The following PCSK7 variants were observed in gnomAD, a reference collection of about 807,000 sequenced individuals.
PCSK7 encodes lymphoma proprotein convertase.
In PCSK7, 38 loss-of-function variants were observed where a neutral mutation model predicts 73.3. The ratio of observed to expected loss-of-function variants is 0.52; its 90% confidence interval spans 0.40 to 0.68. The LOEUF (loss-of-function observed/expected upper bound fraction) is 0.68, where lower values mean the gene tolerates loss of function less well. Ranked by LOEUF, PCSK7 falls within the 30% of genes least tolerant of loss-of-function variation. PCSK7 has a pLI of 0.00. For missense variants in PCSK7, 692 were observed against 991.5 expected (o/e 0.70, Z 4.06); for synonymous variants, 296 against 383.8 (o/e 0.77, Z 2.68).
At position 117,225,766 on chromosome 11, in the gene PCSK7, C is replaced by T. The variant is rs1277208392; in HGVS notation, c.860+165G>A. The T allele has an allele frequency of 1.6e-5, 10 of 632,848 alleles. No individual in the cohort carries two copies. The Admixed American group carries it at 2.4e-4, about 15-fold the overall frequency. The allele number at this position is 632,848 out of a possible 1,614,324, so 39.2% of individuals were successfully genotyped here. On this transcript the variant is annotated intron_variant, in intron 6 of 16. Transcript: ENST00000320934. ...GGTGACGGGGGCTTAAGGTTGAGTG[C>T]CCAGTGGCTGGGAATCTAGAGAAAT... is the stretch of plus-strand genomic sequence containing the variant.
chr11:117,204,641 T>TG lies in PCSK7; in HGVS notation c.*1355dup. The TG allele has an allele frequency of 1.9e-6, 1 of 515,922 alleles. No individual in the cohort carries two copies. Among genetic ancestry groups the TG allele is most frequent in the African/African-American group, 1.9e-5 (1 of 52,234 alleles). The allele number at this position is 515,922 out of a possible 1,614,324, so 32.0% of individuals were successfully genotyped here. ...TGGGCTAAGCAGGGGAGAAGCGGGC[T>TG]GGGGGTAGCCTGGATGTGGGCCAAG... is the stretch of plus-strand genomic sequence containing the variant. On this transcript the variant is annotated 3_prime_UTR_variant, in exon 17 of 17. Transcript: ENST00000320934.
intron 4 of PCSK7, among the ~76,000 whole-genome samples, chr11:117,227,699 C>T (rs2032484347): frequency 6.6e-6 from 1 of 152,186 alleles, no homozygotes; most frequent in Admixed American, 6.5e-5. Flanking sequence ...CCTTGGCTTC[C>T]CAAAGTGCTG....
chr11:117,228,525 A>G (rs1339967445), intron 3 of PCSK7, among the ~76,000 whole-genome samples, 175 bp from the exon 4 acceptor site: 1 of 151,984 alleles, frequency 6.6e-6, no homozygotes, highest in African/African-American at 2.4e-5. Context: ...GCTCTGCCAC[A>G]GCCTTGGATT....
Position 117,206,247 on chromosome 11 carries a change from G to T in PCSK7, c.2108C>A (p.Pro703His), listed in dbSNP as rs2031374962. 6.2e-7 allele frequency: 1 copy of T among 1,614,008 alleles called. No homozygotes were observed. Among genetic ancestry groups the T allele is most frequent in the African/African-American group, 1.3e-5 (1 of 74,886 alleles). Residue 703 changes from proline to histidine, a missense_variant, in exon 17 of 17, where the codon CCC (proline) becomes CAC (histidine). Pro to His is a moderately conservative substitution (Grantham distance 77). This residue lies in a region of PCSK7 where 78 missense variants were observed against 102.6 expected (regional missense o/e 0.76). Coordinates refer to ENST00000320934, the MANE Select transcript of PCSK7 (RefSeq NM_004716.4). ...CCGGCTCCGATGGGGCCAGTGGCAGGGTCCACTCCTACAAACTTGATTGGA... is the reference window on the plus strand; with the variant it reads ...CCGGCTCCGATGGGGCCAGTGGCAGTGTCCACTCCTACAAACTTGATTGGA... ...VASNQVCRSG[P>H]CHWPHRSRKA...
chr11:117,225,197 G>A (rs2032374496), intron 6 of PCSK7: 1 of 158,484 alleles, frequency 6.3e-6, no homozygotes, highest in Non-Finnish European at 1.4e-5. Flanking sequence ...GAGTAGCTGG[G>A]ATTACAGGTG....
At chr11:117,231,381 C>T (rs761871094) in intron 1 of PCSK7, among the ~76,000 whole-genome samples, 5 of 152,148 alleles carry the variant, frequency 3.3e-5, no homozygotes, top group Non-Finnish European at 5.9e-5. Flanking sequence ...CCTCCCTGCC[C>T]CCGGGAGCCT....
At position 117,229,407 on chromosome 11, in the gene PCSK7, G is replaced by A. The variant is rs757100305; in HGVS notation, c.438C>T (p.Asn146=). ...GCCATTGCTGCGGGTACTTGGGGTC[G>A]TTGAAGTGGACGCTGCGCTTGGCCC... ...LRRAKRSVHF[N]DPKYPQQWHL... The change falls in exon 3 of 17, where the codon AAC becomes AAT. Residue 146 remains asparagine, a synonymous_variant. Transcript: ENST00000320934. 4.8e-5 allele frequency: 77 copies of A among 1,608,096 alleles called. No homozygotes were observed. The highest frequency in any genetic ancestry group is 1.6e-4 in the Middle Eastern group (1 of 6,082).
At chr11:117,219,230 G>A (rs1171723049) in intron 10 of PCSK7, 66 bp from the exon 11 acceptor site, 3 of 1,186,236 alleles carry the variant, frequency 2.5e-6, no homozygotes, top group Non-Finnish European at 3.6e-6. Flanking sequence ...TCTGACTCTG[G>A]TTTCCCTGCT....
At chr11:117,229,930 A>G in intron 2 of PCSK7, 74 bp from the exon 3 acceptor site, 2 of 860,382 alleles carry the variant, frequency 2.3e-6, no homozygotes, top group Non-Finnish European at 3.5e-6. Flanking sequence ...GGAGATGCTG[A>G]GCCATCCATG....
At chr11:117,221,522 G>A (rs2032188907) in intron 9 of PCSK7, 1 of 152,262 alleles carries the variant, frequency 6.6e-6, no homozygotes. Context: ...CCCTCAGAAA[G>A]ACAGCTCTAC....
Position 117,218,903 on chromosome 11 carries a change from T to TGAGCTG in PCSK7, c.1431+153_1431+154insCAGCTC. 1.7e-6 allele frequency: 1 copy of TGAGCTG among 594,882 alleles called. No homozygotes were observed. The highest frequency in any genetic ancestry group is 3.0e-6 in the Non-Finnish European group (1 of 335,250). The allele number at this position is 594,882 out of a possible 1,614,324, so 36.9% of individuals were successfully genotyped here. On this transcript the variant is annotated intron_variant, in intron 11 of 16. Transcript: ENST00000320934. This position sits in a 1 kb window ranked among gnomAD's most constrained non-coding sequence, Gnocchi z 4.0. The stretch of plus-strand genomic sequence containing the variant: ...TGAGCCTGCTTTCTCATTTGTAAAA[T>TGAGCTG]GGATATCAGCTGGGATGAAGGTTGA...
intron 12 of PCSK7, chr11:117,210,334 G>C (rs989827102): frequency 6.7e-6 from 1 of 149,316 alleles, no homozygotes; most frequent in Non-Finnish European, 1.5e-5. Context: ...GGACTATTAA[G>C]AAATTAGGCT....
intron 5 of PCSK7, chr11:117,226,504 T>G (rs114670761): frequency 0.012 from 1,911 of 162,240 alleles, 30 homozygotes; most frequent in African/African-American, 0.042. Context: ...AAAATATATA[T>G]ATAGAGAGAG....
rs1408033008 is a variant in PCSK7 at position 117,229,833 on chromosome 11, C to A, written c.12G>T (p.Gly4=). 1.3e-6 allele frequency: 2 copies of A among 1,564,538 alleles called. No homozygotes were observed. The highest frequency in any genetic ancestry group is 8.7e-7 in the Non-Finnish European group (1 of 1,152,556). ...CATCCAAGTGTGGCACTTTCTGCCT[C>A]CCCTTCGGCATCAGAGCAGTGGACT... MPK[G]RQKVPHLDAP... Residue 4 remains glycine (G), a synonymous_variant, in exon 3 of 17, where the codon GGG becomes GGT. Transcript: ENST00000320934.
intron 9 of PCSK7, 171 bp downstream of exon 9, chr11:117,223,037 C>T (rs1341171779): frequency 1.5e-5 from 9 of 601,970 alleles, no homozygotes; most frequent in East Asian, 2.7e-5. Flanking sequence ...TTCAGAGTCC[C>T]CGAGTCTACT....
Position 117,204,680 on chromosome 11 carries a change from T to C in PCSK7, c.*1317A>G, listed in dbSNP as rs1298524114. 2.6e-5 allele frequency: 11 copies of C among 428,508 alleles called. No individual in the cohort carries two copies. Among genetic ancestry groups the C allele is most frequent in the African/African-American group, 8.0e-5 (4 of 49,878 alleles). 26.5% of individuals were successfully genotyped at this position (428,508 alleles called of 1,614,324 possible). A position where few individuals can be genotyped will look rare whatever the true frequency, so the allele number is the denominator to read the frequency against. ...ATGTGGGCCAAGTCCACTGTCCTCC[T>C]TGGCGGCAAAAGCCCATTGAAGAAG... is the stretch of plus-strand genomic sequence containing the variant. On this transcript the variant is annotated 3_prime_UTR_variant, in exon 17 of 17. Transcript: ENST00000320934.
intron 6 of PCSK7, chr11:117,225,040 C>A: frequency 6.1e-5 from 16 of 261,574 alleles, no homozygotes; most frequent in Middle Eastern, 1.3e-3. Flanking sequence ...ATCTAGGGAT[C>A]AGAGACATGT....
chr11:117,222,040 T>C (rs2032218370), intron 9 of PCSK7: 1 of 152,232 alleles, frequency 6.6e-6, no homozygotes, highest in African/African-American at 2.4e-5. Flanking sequence ...GAAAATAAAT[T>C]TGACCCAGCA....
chr11:117,209,559 G>A (rs1283470242), intron 12 of PCSK7: 1 of 158,544 alleles, frequency 6.3e-6, no homozygotes, highest in Non-Finnish European at 1.4e-5. Flanking sequence ...GGGCATTCTA[G>A]GCAGTGGAAA....
Sources: gnomAD v4.1 joint callset for allele counts (sites outside exome capture counted in the v4.1 genomes callset) on GRCh38, gnomAD v4.1.1 for gene constraint, gnomAD v4.1.1 regional missense constraint, Gnocchi (gnomAD v3.1) non-coding constraint, MANE v1.5 for transcripts, NCBI Gene and HGNC (gene_info 2026-07-23, HGNC 2026-07-21) for gene names.